The following TBCD variants were observed in gnomAD, a reference collection of about 807,000 sequenced individuals.
TBCD encodes the protein tubulin-specific chaperone D.
A neutral mutation model predicts 169.3 loss-of-function variants in TBCD; 105 were observed. That is an observed-to-expected ratio of 0.62 (90% CI 0.53 to 0.73). TBCD has a LOEUF of 0.73. Among genes scored for constraint, TBCD ranks in the 30% least tolerant of loss-of-function variants. TBCD has a pLI of 0.00. For missense variants in TBCD, 1,444 were observed against 1,600.1 expected, an observed-to-expected ratio of 0.90 and a Z score of 1.66; for synonymous variants, 700 against 643.9, an observed-to-expected ratio of 1.09 and a Z score of -1.32.
intron 22 of TBCD, 137 bp downstream of exon 22, chr17:82,909,444 C>T: frequency 5.3e-6 from 3 of 571,138 alleles, no homozygotes; most frequent in Non-Finnish European, 9.7e-6. Context: ...GTCACCCGGC[C>T]CGCTGTGGGA....
intron 8 of TBCD, 75 bp downstream of exon 8, chr17:82,797,877 C>A: frequency 8.8e-6 from 9 of 1,023,866 alleles, no homozygotes; most frequent in Non-Finnish European, 1.1e-5. Context: ...CTTTCCTTAA[C>A]ATTTTATTCA....
intron 23 of TBCD, among the ~76,000 whole-genome samples, chr17:82,916,225 T>C (rs1334983152): frequency 6.6e-6 from 1 of 152,112 alleles, no homozygotes; most frequent in Non-Finnish European, 1.5e-5. Flanking sequence ...CGTTTGTTTA[T>C]ACCAAAATGG....
Position 82,870,322 on chromosome 17 carries a change from G to A in TBCD, c.1417G>A (p.Ala473Thr). 1 of 1,613,508 alleles carries A rather than the reference G, an allele frequency of 6.2e-7. No homozygotes were observed. The highest frequency in any genetic ancestry group is 8.5e-7 in the Non-Finnish European group (1 of 1,179,886). The stretch of plus-strand genomic sequence containing the variant: ...GGACGCCGCCTGCTACGTGTGCTGG[G>A]CCTTCGCGCGTGCCTATGAGCCTCA... ...VRDAACYVCW[A>T]FARAYEPQEL... Residue 473 changes from alanine to threonine, a missense_variant, in exon 14 of 39, where the codon GCC becomes ACC. Coordinates refer to ENST00000355528, the MANE Select transcript of TBCD (RefSeq NM_005993.5).
At chr17:82,855,553 C>T (rs2056204006) in intron 13 of TBCD, among the ~76,000 whole-genome samples, 1 of 152,078 alleles carries the variant, frequency 6.6e-6, no homozygotes, top group Admixed American at 6.6e-5. Context: ...CAGGTGTGAG[C>T]CACTGTGCCT....
chr17:82,854,531 G>T (rs147525622), intron 13 of TBCD, among the ~76,000 whole-genome samples: 1 of 152,232 alleles, frequency 6.6e-6, no homozygotes, highest in Non-Finnish European at 1.5e-5. Context: ...CATCAGAAAG[G>T]CCTGCAGGTT....
intron 14 of TBCD, among the ~76,000 whole-genome samples, chr17:82,878,558 C>T (rs8075190): frequency 0.59 from 89,090 of 151,562 alleles, 26,184 homozygotes; most frequent in East Asian, 0.71. Flanking sequence ...TGCCCTCCTC[C>T]GTGTGCTGTT....
chr17:82,897,517 C>CAAA (rs34695419), intron 17 of TBCD, among the ~76,000 whole-genome samples: 21 of 134,730 alleles, frequency 1.6e-4, no homozygotes, highest in Admixed American at 5.9e-4. Flanking sequence ...GACTCCGTCT[C>CAAA]AAAAAAAAAA....
At chr17:82,842,043 T>A (rs1348514367) in intron 13 of TBCD, among the ~76,000 whole-genome samples, 6 of 152,242 alleles carry the variant, frequency 3.9e-5, no homozygotes, top group Non-Finnish European at 1.5e-5. Flanking sequence ...TCTGTCACCT[T>A]TCTCTGCTGA....
chr17:82,816,273 G>A (rs576204843), intron 13 of TBCD, among the ~76,000 whole-genome samples: 16 of 152,290 alleles, frequency 1.1e-4, no homozygotes, highest in African/African-American at 3.4e-4. Context: ...CACACGCCAC[G>A]TTTTGTCCAT....
intron 12 of TBCD, among the ~76,000 whole-genome samples, chr17:82,811,108 A>AC (rs1042374220): frequency 2.8e-4 from 42 of 151,878 alleles, no homozygotes; most frequent in African/African-American, 8.5e-4. Context: ...TCTGTAGGCG[A>AC]CCTCCAGCCT....
At position 82,922,996 on chromosome 17, in the gene TBCD, C is replaced by T. The variant is rs1325771472; in HGVS notation, c.2179-656C>T. ...TGTGCAGCAATTGCCGTCCCTCCCACCACGGTTCCTGGTGGCCTTGGGATG... is the reference window on the plus strand; with the variant it reads ...TGTGCAGCAATTGCCGTCCCTCCCATCACGGTTCCTGGTGGCCTTGGGATG... On this transcript the variant is annotated intron_variant, in intron 25 of 38. Transcript: ENST00000355528. The surrounding 1 kb of genome is among the most constrained non-coding windows in gnomAD (Gnocchi z 4.1). Among the ~76,000 whole-genome samples the T allele has an allele frequency of 2.0e-5, 3 of 152,206 alleles. No homozygotes were observed. The East Asian group carries it at 5.8e-4, about 29-fold the overall frequency.
intron 13 of TBCD, among the ~76,000 whole-genome samples, chr17:82,820,840 C>T (rs373319634): frequency 6.9e-6 from 1 of 145,462 alleles, no homozygotes; most frequent in African/African-American, 2.5e-5. Flanking sequence ...CTGTTGAGTC[C>T]TCTTGTTGTG....
intron 12 of TBCD, among the ~76,000 whole-genome samples, chr17:82,810,053 T>C (rs1205537904): frequency 6.6e-6 from 1 of 152,254 alleles, no homozygotes; most frequent in Admixed American, 6.5e-5. Flanking sequence ...GGAAAAGCTC[T>C]ACTGAGTGAG....
chr17:82,802,724 GC>G (rs1189420124), intron 9 of TBCD, among the ~76,000 whole-genome samples: 1 of 152,230 alleles, frequency 6.6e-6, no homozygotes, highest in East Asian at 1.9e-4. Context: ...GCTGAACGAG[GC>G]CCCCTGCATT....
intron 32 of TBCD, chr17:82,929,740 C>T (rs1053197635): frequency 6.4e-6 from 4 of 628,160 alleles, no homozygotes; most frequent in South Asian, 1.9e-5. Context: ...TCTCTTCCTG[C>T]GGCCGCAGCC....
chr17:82,826,427 T>C (rs1228345052), intron 13 of TBCD, among the ~76,000 whole-genome samples: 1 of 152,212 alleles, frequency 6.6e-6, no homozygotes, highest in Non-Finnish European at 1.5e-5. Flanking sequence ...TTTTTGTTTT[T>C]ATTTTTTGAA....
At position 82,850,113 on chromosome 17, in the gene TBCD, C is replaced by T. The variant is rs36127507; in HGVS notation, c.1319-20111C>T. Reference sequence around the variant, plus strand: ...GTTGGCTGTGCTGCTGTTGGCTGTGCTGCTGTTGGCTGTGTTGTTGTTGGC... The same window carrying T: ...GTTGGCTGTGCTGCTGTTGGCTGTGTTGCTGTTGGCTGTGTTGTTGTTGGC... On this transcript the variant is annotated intron_variant, in intron 13 of 38. Coordinates refer to ENST00000355528, the MANE Select transcript of TBCD (RefSeq NM_005993.5). Among the ~76,000 whole-genome samples, 45 of 86,994 alleles carry T rather than the reference C, an allele frequency of 5.2e-4. 2 individuals are homozygous for T. The highest frequency in any genetic ancestry group is 7.8e-3 in the Middle Eastern group (1 of 128). 57.1% of individuals were successfully genotyped at this position (86,994 alleles called of 152,430 possible). A position where few individuals can be genotyped will look rare whatever the true frequency, so the allele number is the denominator to read the frequency against.
Position 82,942,401 on chromosome 17 carries a change from G to A in TBCD, c.3565-48G>A, listed in dbSNP as rs751123095. ...GGTGAGGGTCCCCTGGCTGGGAATG[G>A]TGTGTGTTGGAGCTGACCAGCCTGA... On this transcript the variant is annotated intron_variant, in intron 38 of 38. Transcript: ENST00000355528. 7 of 1,613,646 alleles carry A rather than the reference G, an allele frequency of 4.3e-6. No individual in the cohort carries two copies. In the East Asian group the frequency reaches 1.1e-4, roughly 26 times the overall value.
chr17:82,850,275 G>C (rs2055641931), intron 13 of TBCD, among the ~76,000 whole-genome samples: 3 of 148,790 alleles, frequency 2.0e-5, no homozygotes, highest in African/African-American at 5.0e-5. Flanking sequence ...GTTGTTGGCT[G>C]TGCTGCTGTT....
Sources: allele counts gnomAD v4.1 joint callset (sites outside exome capture counted in the v4.1 genomes callset), GRCh38; gene constraint gnomAD v4.1.1; non-coding constraint Gnocchi (gnomAD v3.1); transcripts MANE v1.5; gene names NCBI Gene and HGNC (gene_info 2026-07-23, HGNC 2026-07-21).